RAB8B: variants seen among roughly 807,000 people sequenced by gnomAD.
RAB8B encodes ras-related protein Rab-8B.
In RAB8B, 11 loss-of-function variants were observed where a neutral mutation model predicts 32.0. The ratio of observed to expected loss-of-function variants is 0.34; its 90% CI spans 0.22 to 0.57. The LOEUF is 0.57. Among genes scored for constraint, RAB8B ranks in the 20% least tolerant of loss-of-function variants. RAB8B has a pLI of 0.86. For synonymous variants in RAB8B, 103 were observed against 89.6 expected (o/e 1.15, Z -0.85); for missense variants, 190 against 258.5 (o/e 0.73, Z 1.82).
At chr15:63,256,461 T>C (rs1364089823) in intron 4 of RAB8B, 44 bp from the exon 5 acceptor site, 5 of 1,433,060 alleles carry the variant, frequency 3.5e-6, no homozygotes, top group Non-Finnish European at 4.8e-6. Context: ...AAGTAACGGG[T>C]TTTTCTCAGG....
intron 1 of RAB8B, among the ~76,000 whole-genome samples, chr15:63,193,616 C>G (rs769833090): frequency 5.9e-5 from 9 of 152,098 alleles, no homozygotes; most frequent in Non-Finnish European, 1.2e-4. Context: ...TTGAGACCAT[C>G]CCGGCTAATA....
At chr15:63,252,297 G>A (rs953953303) in intron 3 of RAB8B, among the ~76,000 whole-genome samples, 1 of 152,124 alleles carries the variant, frequency 6.6e-6, no homozygotes, top group African/African-American at 2.4e-5. Flanking sequence ...CAGGCTCTAG[G>A]TGAAGTAGTT....
Position 63,263,614 on chromosome 15 carries a change from C to G in RAB8B, c.619C>G (p.Leu207Val). The G allele has an allele frequency of 6.2e-7, 1 of 1,602,530 alleles. No homozygotes were observed. The highest frequency in any genetic ancestry group is 8.6e-7 in the Non-Finnish European group (1 of 1,169,498). Residue 207 changes from leucine to valine, a missense_variant, in exon 8 of 8, where the codon CTT (leucine) becomes GTT (valine). By Grantham distance (32) the Leu-to-Val change is conservative. Around this residue, in one of 2 missense-constraint regions of RAB8B, gnomAD observed 110 missense variants for 115.9 expected, o/e 0.95. Coordinates refer to ENST00000321437, the MANE Select transcript of RAB8B (RefSeq NM_016530.3). ...KKTSFFRCSLL is the reference protein window; with the variant it reads ...KKTSFFRCSLV Reference sequence around the variant, plus strand: ...GACCAGTTTCTTTCGTTGCTCGCTACTTTGATGAACTCTTTCTGAGAGACT... The same window carrying G: ...GACCAGTTTCTTTCGTTGCTCGCTAGTTTGATGAACTCTTTCTGAGAGACT...
chr15:63,240,260 A>AT (rs2038021268), intron 1 of RAB8B, among the ~76,000 whole-genome samples: 3 of 152,026 alleles, frequency 2.0e-5, no homozygotes, highest in Non-Finnish European at 2.9e-5. Flanking sequence ...ATGTTGGCAC[A>AT]GTATCCTGGA....
intron 1 of RAB8B, among the ~76,000 whole-genome samples, chr15:63,231,885 A>G (rs2037939607): frequency 6.6e-6 from 1 of 152,202 alleles, no homozygotes; most frequent in Non-Finnish European, 1.5e-5. Context: ...TCTAAAATCC[A>G]CATTTTGACA....
At position 63,248,044 on chromosome 15, in the gene RAB8B, G is replaced by A. The variant is rs963178877; in HGVS notation, c.186-1601G>A. 1.3e-5 allele frequency among the ~76,000 whole-genome samples: 2 copies of A among 152,212 alleles called. No individual in the cohort carries two copies. Among genetic ancestry groups the A allele is most frequent in the Non-Finnish European group, 2.9e-5 (2 of 68,044 alleles). On this transcript the variant is annotated intron_variant, in intron 2 of 7. Coordinates refer to ENST00000321437, the MANE Select transcript of RAB8B (RefSeq NM_016530.3). The surrounding 1 kb of genome is among the most constrained non-coding windows in gnomAD (Gnocchi z 4.4). ...CTCCTTGGGTTTCTCAGAGAAATAT[G>A]GTTAGTCTGCTAAAAAGTGCTTGCC...
At chr15:63,223,966 C>A (rs1056526956) in intron 1 of RAB8B, 2 of 300,348 alleles carry the variant, frequency 6.7e-6, no homozygotes, top group Admixed American at 7.9e-5. Flanking sequence ...TCACTTATAG[C>A]ACTGTGGTGT....
rs1487421359 is a variant in RAB8B, at chr15:63,263,645, A to G, written c.*26A>G. On this transcript the variant is annotated 3_prime_UTR_variant, in exon 8 of 8. Coordinates refer to ENST00000321437, the MANE Select transcript of RAB8B (RefSeq NM_016530.3). ...TGAACTCTTTCTGAGAGACTGCAGC[A>G]CACCTAGAGGGCCCTTTCCTGCTTC... 4.5e-6 allele frequency: 7 copies of G among 1,548,442 alleles called. No homozygotes were observed. Among genetic ancestry groups the G allele is most frequent in the Non-Finnish European group, 6.2e-6 (7 of 1,120,692 alleles).
chr15:63,255,722 C>T, intron 4 of RAB8B, 138 bp downstream of exon 4: 1 of 633,508 alleles, frequency 1.6e-6, no homozygotes, highest in African/African-American at 1.8e-5. Flanking sequence ...TGAAGAGCTC[C>T]ATAAATCTCT....
In RAB8B at chr15:63,265,018, A is replaced by C. The variant is rs2038234417; in HGVS notation, c.*1399A>C. 1 of 152,648 alleles carries C rather than the reference A, an allele frequency of 6.6e-6. No individual in the cohort carries two copies. The allele number at this position is 152,648 out of a possible 1,614,324, so 9.5% of individuals were successfully genotyped here. The stretch of plus-strand genomic sequence containing the variant: ...GTATTTAGTGTTAACTTGTGTGCCA[A>C]ATTCAGATCACTATGTCGTTGTTGC... On this transcript the variant is annotated 3_prime_UTR_variant, in exon 8 of 8. Transcript: ENST00000321437. This position sits in a 1 kb window ranked among gnomAD's most constrained non-coding sequence, Gnocchi z 4.9.
In RAB8B at chr15:63,263,646, C is replaced by T; in HGVS notation, c.*27C>T. 2 of 1,540,540 alleles carry T rather than the reference C, an allele frequency of 1.3e-6. No homozygotes were observed. The highest frequency in any genetic ancestry group is 1.4e-5 in the African/African-American group (1 of 73,346). On this transcript the variant is annotated 3_prime_UTR_variant, in exon 8 of 8. Transcript: ENST00000321437. ...GAACTCTTTCTGAGAGACTGCAGCA[C>T]ACCTAGAGGGCCCTTTCCTGCTTCT...
chr15:63,215,919 T>C (rs2037787718), intron 1 of RAB8B, among the ~76,000 whole-genome samples: 1 of 151,904 alleles, frequency 6.6e-6, no homozygotes, highest in Non-Finnish European at 1.5e-5. Flanking sequence ...GCACCTGTGG[T>C]CCCAGCTACT....
chr15:63,237,809 A>G (rs993433447), intron 1 of RAB8B, among the ~76,000 whole-genome samples: 4 of 152,184 alleles, frequency 2.6e-5, no homozygotes, highest in Non-Finnish European at 5.9e-5. Context: ...ATATTTGCCC[A>G]ATCCAATGTC....
At chr15:63,240,114 C>T (rs1316243546) in intron 1 of RAB8B, among the ~76,000 whole-genome samples, 2 of 151,810 alleles carry the variant, frequency 1.3e-5, no homozygotes, top group East Asian at 3.9e-4. Flanking sequence ...GAGAATGGTG[C>T]ATCTGGTGGG....
chr15:63,252,686 A>G (rs2038126337), intron 3 of RAB8B, among the ~76,000 whole-genome samples: 1 of 152,198 alleles, frequency 6.6e-6, no homozygotes, highest in South Asian at 2.1e-4. Flanking sequence ...ATTGTGGTAA[A>G]ATATACATAA....
intron 1 of RAB8B, among the ~76,000 whole-genome samples, chr15:63,200,035 T>G (rs2037634662): frequency 6.6e-6 from 1 of 152,250 alleles, no homozygotes; most frequent in African/African-American, 2.4e-5. Context: ...GAATTATTCA[T>G]GGCACAAACC....
At chr15:63,258,299 A>T (rs987877246) in intron 5 of RAB8B, among the ~76,000 whole-genome samples, 2 of 151,988 alleles carry the variant, frequency 1.3e-5, no homozygotes, top group Middle Eastern at 3.4e-3. Flanking sequence ...ACGGGGTTTC[A>T]CCATGCTGGC....
chr15:63,207,853 C>T (rs562805800), intron 1 of RAB8B, among the ~76,000 whole-genome samples: 9 of 152,134 alleles, frequency 5.9e-5, no homozygotes, highest in East Asian at 1.9e-4. Flanking sequence ...CGTGAGCCAC[C>T]GCGCCTGGCC....
intron 1 of RAB8B, chr15:63,223,197 C>T (rs1175149862): frequency 1.1e-5 from 4 of 380,726 alleles, no homozygotes; most frequent in Non-Finnish European, 2.1e-5. Flanking sequence ...CTGCAACCTC[C>T]ACCTCCCGGG....
Sources: gnomAD v4.1 joint callset for allele counts (sites outside exome capture counted in the v4.1 genomes callset) on GRCh38, gnomAD v4.1.1 for gene constraint, gnomAD v4.1.1 regional missense constraint, Gnocchi (gnomAD v3.1) non-coding constraint, MANE v1.5 for transcripts, NCBI Gene and HGNC (gene_info 2026-07-23, HGNC 2026-07-21) for gene names.